Variants in POLR2K observed in about 807,000 individuals in gnomAD.
POLR2K encodes RNA polymerase II, I and III subunit K.
A neutral mutation model predicts 10.1 loss-of-function variants in POLR2K; 9 were observed. The ratio of observed to expected loss-of-function variants is 0.89; its 90% CI spans 0.54 to 1.56. POLR2K has a LOEUF of 1.56. Ranked by LOEUF, POLR2K falls within the 40% of genes most tolerant of loss-of-function variation. The pLI is 0.00. For synonymous variants in POLR2K, 19 were observed against 20.3 expected (o/e 0.94, Z 0.17); for missense variants, 53 against 71.9 (o/e 0.74, Z 0.95).
chr8:100,153,242 A>G lies in POLR2K; in HGVS notation c.155-52A>G. The stretch of plus-strand genomic sequence containing the variant: ...AAGAGAAAGTGACTTTGAAACCTTC[A>G]GTCTTAATAATGTTTAAGTACCGTT... On this transcript the variant is annotated intron_variant, in intron 3 of 3. Transcript: ENST00000353107. 2.9e-6 allele frequency: 4 copies of G among 1,367,016 alleles called. No individual in the cohort carries two copies. In the Admixed American group the frequency reaches 7.4e-5, roughly 25 times the overall value. 84.7% of individuals were successfully genotyped at this position (1,367,016 alleles called of 1,614,324 possible). A position where few individuals can be genotyped will look rare whatever the true frequency, so the allele number is the denominator to read the frequency against.
At chr8:100,153,194 A>G (rs1390943602) in intron 3 of POLR2K, 100 bp from the exon 4 acceptor site, 24 of 818,918 alleles carry the variant, frequency 2.9e-5, no homozygotes, top group Non-Finnish European at 4.3e-5. Flanking sequence ...ATTTTAAGTT[A>G]AATAACAAAC....
At position 100,150,659 on chromosome 8, in the gene POLR2K, C is replaced by T. The variant is rs1241934027; in HGVS notation, c.-60C>T. The T allele has an allele frequency of 6.6e-6, 1 of 152,416 alleles. No homozygotes were observed. Among genetic ancestry groups the T allele is most frequent in the Non-Finnish European group, 1.5e-5 (1 of 68,212 alleles). 9.4% of individuals were successfully genotyped at this position (152,416 alleles called of 1,614,324 possible). A position where few individuals can be genotyped will look rare whatever the true frequency, so the allele number is the denominator to read the frequency against. On this transcript the variant is annotated 5_prime_UTR_variant, in exon 1 of 4. Coordinates refer to ENST00000353107, the MANE Select transcript of POLR2K (RefSeq NM_005034.4). The stretch of plus-strand genomic sequence containing the variant: ...CCGGAAGTTGGTCTCGACACCTGGA[C>T]TAGCCGGGTTGTATTTGGAAACGCG...
At position 100,153,490 on chromosome 8, in the gene POLR2K, C is replaced by T; in HGVS notation, c.*174C>T. ...CCTCAAACAGTACCAAACCTTTATACACTGTTTTTTCCATATATATATACC... is the reference window on the plus strand; with the variant it reads ...CCTCAAACAGTACCAAACCTTTATATACTGTTTTTTCCATATATATATACC... On this transcript the variant is annotated 3_prime_UTR_variant, in exon 4 of 4. Coordinates refer to ENST00000353107, the MANE Select transcript of POLR2K (RefSeq NM_005034.4). 1 of 529,382 alleles carries T rather than the reference C, an allele frequency of 1.9e-6. No homozygotes were observed. Among genetic ancestry groups the T allele is most frequent in the East Asian group, 3.2e-5 (1 of 31,540 alleles). The allele number at this position is 529,382 out of a possible 1,614,324, so 32.8% of individuals were successfully genotyped here.
At chr8:100,152,169 A>C in intron 3 of POLR2K, 1 of 566,616 alleles carries the variant, frequency 1.8e-6, no homozygotes, top group Non-Finnish European at 3.1e-6. Context: ...ATACATTCTG[A>C]GAATTGTGTC....
chr8:100,151,955 G>A (rs1012876490), intron 3 of POLR2K, 39 bp downstream of exon 3: 14 of 921,754 alleles, frequency 1.5e-5, no homozygotes, highest in South Asian at 1.5e-4. Flanking sequence ...TGAGTTAGGA[G>A]GAAATGAATA....
chr8:100,153,385 T>G lies in POLR2K; in HGVS notation c.*69T>G, dbSNP rs1018622597. 3 of 1,415,396 alleles carry G rather than the reference T, an allele frequency of 2.1e-6. No individual in the cohort carries two copies. Among genetic ancestry groups the G allele is most frequent in the Admixed American group, 1.7e-5 (1 of 57,406 alleles). The allele number at this position is 1,415,396 out of a possible 1,614,324, so 87.7% of individuals were successfully genotyped here. A position where few individuals can be genotyped will look rare whatever the true frequency, so the allele number is the denominator to read the frequency against. On this transcript the variant is annotated 3_prime_UTR_variant, in exon 4 of 4. Coordinates refer to ENST00000353107, the MANE Select transcript of POLR2K (RefSeq NM_005034.4). ...GCTCTCTTCCCATTTCTGATTGTTGTATAGCTTTCGATTTTGCTTACAGTA... is the reference window on the plus strand; with the variant it reads ...GCTCTCTTCCCATTTCTGATTGTTGGATAGCTTTCGATTTTGCTTACAGTA...
rs987702970 is a variant in POLR2K, at chr8:100,153,935, G to A, written c.*619G>A. ...TAATCAAAACCTAGAATCATCTGCA[G>A]TCCTTGTTAAAAATGCAGGTTTCTA... is the stretch of plus-strand genomic sequence containing the variant. On this transcript the variant is annotated 3_prime_UTR_variant, in exon 4 of 4. Transcript: ENST00000353107. The A allele has an allele frequency of 6.6e-6, 1 of 152,156 alleles. No homozygotes were observed. The allele number at this position is 152,156 out of a possible 1,614,324, so 9.4% of individuals were successfully genotyped here. A position where few individuals can be genotyped will look rare whatever the true frequency, so the allele number is the denominator to read the frequency against.
In POLR2K at chr8:100,153,823, T is replaced by C. The variant is rs1479137268; in HGVS notation, c.*507T>C. 1.3e-5 allele frequency: 2 copies of C among 152,264 alleles called. No individual in the cohort carries two copies. The highest frequency in any genetic ancestry group is 4.8e-5 in the African/African-American group (2 of 41,458). 9.4% of individuals were successfully genotyped at this position (152,264 alleles called of 1,614,324 possible). On this transcript the variant is annotated 3_prime_UTR_variant, in exon 4 of 4. Transcript: ENST00000353107. ...ACTAATATTTTGTATAAAGCAATTT[T>C]TTGTTCCATTACGTGACTTTTTGTT...
chr8:100,153,309 C>T lies in POLR2K; in HGVS notation c.170C>T (p.Ala57Val), dbSNP rs760207922. Residue 57 changes from alanine (A) to valine (V), a missense_variant, in exon 4 of 4, where the codon GCT becomes GTT. Transcript: ENST00000353107. ...KRTKRLVVFD[A>V]R ...ATTAATACAGTGGTCGTTTTTGATG[C>T]TCGATGAATGCTGGGAATTCAGAGG... 7 of 1,608,520 alleles carry T rather than the reference C, an allele frequency of 4.4e-6. No homozygotes were observed. Among genetic ancestry groups the T allele is most frequent in the Non-Finnish European group, 6.0e-6 (7 of 1,176,338 alleles).
chr8:100,153,404 T>C lies in POLR2K; in HGVS notation c.*88T>C. On this transcript the variant is annotated 3_prime_UTR_variant, in exon 4 of 4. Coordinates refer to ENST00000353107, the MANE Select transcript of POLR2K (RefSeq NM_005034.4). ...TTGTTGTATAGCTTTCGATTTTGCT[T>C]ACAGTAGTTCCCCCTTATCTTCGGG... 1 of 1,196,666 alleles carries C rather than the reference T, an allele frequency of 8.4e-7. No individual in the cohort carries two copies. The highest frequency in any genetic ancestry group is 1.2e-6 in the Non-Finnish European group (1 of 809,090). 74.1% of individuals were successfully genotyped at this position (1,196,666 alleles called of 1,614,324 possible). A position where few individuals can be genotyped will look rare whatever the true frequency, so the allele number is the denominator to read the frequency against.
intron 3 of POLR2K, chr8:100,152,265 G>A: frequency 2.6e-6 from 1 of 387,038 alleles, no homozygotes; most frequent in South Asian, 3.6e-5. Flanking sequence ...ATAGCTTATT[G>A]CTGCTAGGCT....
intron 1 of POLR2K, 112 bp from the exon 2 acceptor site, chr8:100,151,235 A>C (rs1814913066): frequency 1.3e-6 from 1 of 776,504 alleles, no homozygotes; most frequent in African/African-American, 1.7e-5. Flanking sequence ...GGATTTGGGG[A>C]AAGGAACAGA....
At chr8:100,151,152 G>A (rs1447921965) in intron 1 of POLR2K, among the ~76,000 whole-genome samples, 195 bp from the exon 2 acceptor site, 2 of 152,212 alleles carry the variant, frequency 1.3e-5, no homozygotes, top group African/African-American at 4.8e-5. Context: ...GTATGAAGTA[G>A]TTATTATGTC....
intron 3 of POLR2K, among the ~76,000 whole-genome samples, chr8:100,152,754 T>G (rs1045811525): frequency 1.3e-4 from 19 of 149,620 alleles, no homozygotes; most frequent in South Asian, 4.2e-4. Context: ...TACTTTAGTG[T>G]TTTTTTTTGT....
intron 2 of POLR2K, 108 bp downstream of exon 2, chr8:100,151,524 A>G: frequency 2.6e-6 from 2 of 778,774 alleles, no homozygotes; most frequent in East Asian, 2.6e-5. Flanking sequence ...GTTATAAAGT[A>G]GAACACTTTA....
chr8:100,151,715 G>T (rs1814921850), intron 2 of POLR2K, 109 bp from the exon 3 acceptor site: 1 of 618,732 alleles, frequency 1.6e-6, no homozygotes, highest in Admixed American at 3.2e-5. Context: ...CCTTGAGATT[G>T]AGTATATTTT....
Position 100,153,745 on chromosome 8 carries a change from A to C in POLR2K, c.*429A>C, listed in dbSNP as rs967422052. 1.3e-5 allele frequency: 2 copies of C among 154,602 alleles called. No homozygotes were observed. The highest frequency in any genetic ancestry group is 4.8e-5 in the African/African-American group (2 of 41,566). 9.6% of individuals were successfully genotyped at this position (154,602 alleles called of 1,614,324 possible). A position where few individuals can be genotyped will look rare whatever the true frequency, so the allele number is the denominator to read the frequency against. On this transcript the variant is annotated 3_prime_UTR_variant, in exon 4 of 4. Coordinates refer to ENST00000353107, the MANE Select transcript of POLR2K (RefSeq NM_005034.4). The stretch of plus-strand genomic sequence containing the variant: ...GGGGGGCACTACTGTACTTAGGAAT[A>C]CAACTATATACATATGATTTTATTT...
chr8:100,152,954 A>G (rs1352281919), intron 3 of POLR2K, among the ~76,000 whole-genome samples: 1 of 151,788 alleles, frequency 6.6e-6, no homozygotes, highest in African/African-American at 2.4e-5. Context: ...TTTTTTAGTA[A>G]AGATGGGGTT....
At chr8:100,152,601 C>G (rs1199621265) in intron 3 of POLR2K, among the ~76,000 whole-genome samples, 1 of 152,174 alleles carries the variant, frequency 6.6e-6, no homozygotes, top group Non-Finnish European at 1.5e-5. Flanking sequence ...CACCTATAAT[C>G]CCAGCACTTT....
Sources: gnomAD v4.1 joint callset for allele counts (sites outside exome capture counted in the v4.1 genomes callset) on GRCh38, gnomAD v4.1.1 for gene constraint, MANE v1.5 for transcripts, NCBI Gene and HGNC (gene_info 2026-07-23, HGNC 2026-07-21) for gene names.